Variants in SLN observed in about 807,000 individuals in gnomAD.
SLN encodes the protein sarcolipin.
For synonymous variants in SLN, 19 were observed against 14.4 expected (o/e 1.32, Z -0.72); for missense variants, 34 against 37.4 (o/e 0.91, Z 0.24).
At chr11:107,710,770 A>T (rs781397304) in intron 1 of SLN, among the ~76,000 whole-genome samples, 29 of 152,252 alleles carry the variant, frequency 1.9e-4, no homozygotes, top group Non-Finnish European at 4.0e-4. Flanking sequence ...GTGCCAGGTT[A>T]CATAAATAAA....
In SLN at chr11:107,707,984, A is replaced by G. The variant is rs1462679803; in HGVS notation, c.-54T>C. 3 of 1,270,808 alleles carry G rather than the reference A, an allele frequency of 2.4e-6. No individual in the cohort carries two copies. Among genetic ancestry groups the G allele is most frequent in the African/African-American group, 2.9e-5 (2 of 68,458 alleles). The allele number at this position is 1,270,808 out of a possible 1,614,324, so 78.7% of individuals were successfully genotyped here. ...GCAGATTTCTGAGGGCACACCAAGG[A>G]CCTCTGGCTTCTCCTCACCTCCTGA... On this transcript the variant is annotated 5_prime_UTR_variant, in exon 2 of 2. Transcript: ENST00000305991.
At chr11:107,711,398 A>C (rs1281162023) in intron 1 of SLN, among the ~76,000 whole-genome samples, 3 of 152,222 alleles carry the variant, frequency 2.0e-5, no homozygotes, top group Non-Finnish European at 4.4e-5. Context: ...TAAGGTGAGA[A>C]TTTCTAGTGA....
chr11:107,711,024 G>A (rs899240984), intron 1 of SLN, among the ~76,000 whole-genome samples: 1 of 152,092 alleles, frequency 6.6e-6, no homozygotes, highest in Non-Finnish European at 1.5e-5. Context: ...AAAATAGGGA[G>A]GTTAATCATA....
intron 1 of SLN, among the ~76,000 whole-genome samples, chr11:107,710,402 A>C (rs1867199654): frequency 6.6e-6 from 1 of 152,248 alleles, no homozygotes; most frequent in African/African-American, 2.4e-5. Flanking sequence ...GCTGTTCCAC[A>C]GCTCTGTTTG....
chr11:107,709,275 G>A (rs899361382), intron 1 of SLN, among the ~76,000 whole-genome samples: 7 of 152,148 alleles, frequency 4.6e-5, no homozygotes, highest in Non-Finnish European at 1.0e-4. Flanking sequence ...ATATATTTTA[G>A]ATAATTCGAT....
chr11:107,710,902 A>G (rs1453575700), intron 1 of SLN, among the ~76,000 whole-genome samples: 8 of 152,236 alleles, frequency 5.3e-5, no homozygotes, highest in African/African-American at 1.9e-4. Flanking sequence ...AGCAAAGAAA[A>G]TATATGAACT....
chr11:107,711,688 G>A (rs1042635718), intron 1 of SLN, among the ~76,000 whole-genome samples: 1 of 151,926 alleles, frequency 6.6e-6, no homozygotes, highest in East Asian at 1.9e-4. Flanking sequence ...GGCTTTCTTT[G>A]AATGGAGACT....
rs957194969 is a variant in SLN, at chr11:107,707,597, G to T, written c.*238C>A. The T allele has an allele frequency of 1.5e-5, 7 of 468,428 alleles. No individual in the cohort carries two copies. Among genetic ancestry groups the T allele is most frequent in the African/African-American group, 1.2e-4 (6 of 51,072 alleles). 29.0% of individuals were successfully genotyped at this position (468,428 alleles called of 1,614,324 possible). ...GCTTGTCTAACACATTTTCAGTTAAGAGTTGGGGAATAAATCTACCGTTCC... is the reference window on the plus strand; with the variant it reads ...GCTTGTCTAACACATTTTCAGTTAATAGTTGGGGAATAAATCTACCGTTCC... On this transcript the variant is annotated 3_prime_UTR_variant, in exon 2 of 2. Transcript: ENST00000305991.
chr11:107,709,399 A>G (rs1260273391), intron 1 of SLN, among the ~76,000 whole-genome samples: 1 of 152,244 alleles, frequency 6.6e-6, no homozygotes, highest in Admixed American at 6.5e-5. Flanking sequence ...AAGGGTTGTT[A>G]GCAAGCTTTT....
chr11:107,708,966 A>G (rs1867182897), intron 1 of SLN, among the ~76,000 whole-genome samples: 1 of 152,200 alleles, frequency 6.6e-6, no homozygotes, highest in African/African-American at 2.4e-5. Flanking sequence ...CACATAGCCT[A>G]CTGGGATCAA....
chr11:107,707,858 G>A lies in SLN; in HGVS notation c.73C>T (p.Leu25Phe). 8 of 1,613,804 alleles carry A rather than the reference G, an allele frequency of 5.0e-6. No homozygotes were observed. Among genetic ancestry groups the A allele is most frequent in the Non-Finnish European group, 6.8e-6 (8 of 1,179,796 alleles). ...VLITVILMWL[L>F]VRSYQY ...TCTCAGTACTGATAGGACCTCACAA[G>A]GAGCCACATAAGAATAACCGTAATC... The change falls in exon 2 of 2, where the codon CTT becomes TTT. Residue 25 changes from leucine (L) to phenylalanine (F), a missense_variant. Transcript: ENST00000305991.
chr11:107,707,551 C>T lies in SLN; in HGVS notation c.*284G>A, dbSNP rs585507. 764 of 348,798 alleles carry T rather than the reference C, an allele frequency of 2.2e-3. 7 individuals carry two copies. Among genetic ancestry groups the T allele is most frequent in the African/African-American group, 0.015 (711 of 48,156 alleles). 21.6% of individuals were successfully genotyped at this position (348,798 alleles called of 1,614,324 possible). On this transcript the variant is annotated 3_prime_UTR_variant, in exon 2 of 2. Coordinates refer to ENST00000305991, the MANE Select transcript of SLN (RefSeq NM_003063.3). ...TAACAATCCTACATCATCATGAATCCAGTTTAATTTTAACTTTGTGGCTTG... is the reference window on the plus strand; with the variant it reads ...TAACAATCCTACATCATCATGAATCTAGTTTAATTTTAACTTTGTGGCTTG...
At position 107,707,769 on chromosome 11, in the gene SLN, G is replaced by T. The variant is rs1315125032; in HGVS notation, c.*66C>A. 1.7e-6 allele frequency: 2 copies of T among 1,170,768 alleles called. No homozygotes were observed. The highest frequency in any genetic ancestry group is 2.6e-4 in the Middle Eastern group (1 of 3,868). 72.5% of individuals were successfully genotyped at this position (1,170,768 alleles called of 1,614,324 possible). On this transcript the variant is annotated 3_prime_UTR_variant, in exon 2 of 2. Transcript: ENST00000305991. ...ATCCTGTGACAATGACAGCAGTGGG[G>T]TCTCAGGGCATAGAGCAGGCAGCTC...
chr11:107,708,322 A>T (rs1287053226), intron 1 of SLN, among the ~76,000 whole-genome samples: 1 of 152,068 alleles, frequency 6.6e-6, no homozygotes, highest in African/African-American at 2.4e-5. Flanking sequence ...ACCATGTGAA[A>T]ACACAAGGAG....
chr11:107,708,739 C>G (rs1283412065), intron 1 of SLN, among the ~76,000 whole-genome samples: 1 of 152,032 alleles, frequency 6.6e-6, no homozygotes, highest in Non-Finnish European at 1.5e-5. Context: ...TGCGTGTGTG[C>G]GTATGCATGT....
At chr11:107,710,766 G>C (rs1430780995) in intron 1 of SLN, among the ~76,000 whole-genome samples, 1 of 152,162 alleles carries the variant, frequency 6.6e-6, no homozygotes, top group Non-Finnish European at 1.5e-5. Flanking sequence ...GTGCGTGCCA[G>C]GTTACATAAA....
At chr11:107,708,268 CTT>C (rs1484719367) in intron 1 of SLN, among the ~76,000 whole-genome samples, 1 of 152,022 alleles carries the variant, frequency 6.6e-6, no homozygotes, top group Non-Finnish European at 1.5e-5. Context: ...TGACTAGTGT[CTT>C]TATCAGAAGA....
chr11:107,710,598 C>T (rs1478457830), intron 1 of SLN, among the ~76,000 whole-genome samples: 1 of 152,222 alleles, frequency 6.6e-6, no homozygotes, highest in African/African-American at 2.4e-5. Context: ...AGTTATGACA[C>T]AAGTGAATTG....
intron 1 of SLN, among the ~76,000 whole-genome samples, chr11:107,709,300 C>T (rs1867186625): frequency 6.6e-6 from 1 of 152,090 alleles, no homozygotes; most frequent in South Asian, 2.1e-4. Flanking sequence ...ATGTTTTAGA[C>T]ATTTAGGACC....
Sources: gnomAD v4.1 joint callset for allele counts (sites outside exome capture counted in the v4.1 genomes callset) on GRCh38, gnomAD v4.1.1 for gene constraint, MANE v1.5 for transcripts, NCBI Gene and HGNC (gene_info 2026-07-23, HGNC 2026-07-21) for gene names.